Variants in SV2C observed in about 807,000 individuals in gnomAD.
SV2C encodes the protein solute carrier family 22 member B3.
Under a neutral mutation model 79.7 loss-of-function variants are expected in SV2C, and 49 were observed. The ratio of observed to expected loss-of-function variants is 0.61; its 90% CI spans 0.49 to 0.78. SV2C has a LOEUF of 0.78. SV2C is among the 30% of genes least tolerant of loss of function. SV2C has a pLI of 0.00. For missense variants in SV2C, 833 were observed against 912.9 expected, an observed-to-expected ratio of 0.91 and a Z score of 1.13; for synonymous variants, 334 against 333.2, an observed-to-expected ratio of 1.00 and a Z score of -0.03.
the SV2C span, among the ~76,000 whole-genome samples, chr5:75,901,646 G>A: frequency 1.3e-5 from 2 of 152,244 alleles, no homozygotes; most frequent in African/African-American, 4.8e-5. Flanking sequence ...TACGTCTGCA[G>A]AGGTTACTGC....
At chr5:75,888,344 A>ATT in the SV2C span, among the ~76,000 whole-genome samples, 1 of 150,154 alleles carries the variant, frequency 6.7e-6, no homozygotes, top group Admixed American at 6.7e-5. Flanking sequence ...AAAAAAAAAA[A>ATT]TTTTTTTTTT....
the SV2C span, among the ~76,000 whole-genome samples, chr5:76,000,470 T>C: frequency 6.6e-6 from 1 of 152,302 alleles, no homozygotes; most frequent in African/African-American, 2.4e-5. Context: ...CTGCCTCACA[T>C]CTGCTGAAAC....
chr5:76,088,050 C>A (rs962627760), intron 1 of SV2C, among the ~76,000 whole-genome samples: 1 of 152,178 alleles, frequency 6.6e-6, no homozygotes, highest in Admixed American at 6.5e-5. Flanking sequence ...CTCACTTCTG[C>A]AGCCTCATTT....
the SV2C span, among the ~76,000 whole-genome samples, chr5:76,060,901 A>G: frequency 6.6e-6 from 1 of 152,024 alleles, no homozygotes; most frequent in Non-Finnish European, 1.5e-5. Context: ...TTTCACTTGA[A>G]CATTTAGAGG....
the SV2C span, among the ~76,000 whole-genome samples, chr5:76,021,506 C>T: frequency 1.3e-5 from 2 of 152,190 alleles, no homozygotes; most frequent in African/African-American, 4.8e-5. Flanking sequence ...CCAGCTTTGT[C>T]TTGTTTCACA....
At chr5:76,044,406 A>G in the SV2C span, among the ~76,000 whole-genome samples, 2 of 152,188 alleles carry the variant, frequency 1.3e-5, no homozygotes, top group African/African-American at 2.4e-5. Context: ...AATGATTTAT[A>G]TTCCTTTGGG....
chr5:76,114,509 T>A (rs924609239), intron 1 of SV2C, among the ~76,000 whole-genome samples: 4 of 152,226 alleles, frequency 2.6e-5, no homozygotes, highest in Admixed American at 6.5e-5. Context: ...GGAAAATGTG[T>A]TTTGCTGTTA....
the SV2C span, among the ~76,000 whole-genome samples, chr5:75,917,356 A>G: frequency 6.6e-6 from 1 of 152,206 alleles, no homozygotes; most frequent in Non-Finnish European, 1.5e-5. Flanking sequence ...TCTGACATGT[A>G]CAAGTTAGGT....
At chr5:75,874,178 C>T in the SV2C span, among the ~76,000 whole-genome samples, 1 of 152,258 alleles carries the variant, frequency 6.6e-6, no homozygotes, top group South Asian at 2.1e-4. Context: ...AAACTGAATT[C>T]AGCAGCCCAT....
At chr5:75,882,799 A>AAAAAAC in the SV2C span, among the ~76,000 whole-genome samples, 2 of 151,902 alleles carry the variant, frequency 1.3e-5, no homozygotes, top group African/African-American at 2.4e-5. Flanking sequence ...TAAAAAAAAA[A>AAAAAAC]ACTCCAAAAG....
the SV2C span, among the ~76,000 whole-genome samples, chr5:76,071,309 C>T: frequency 1.2e-4 from 18 of 152,018 alleles, no homozygotes; most frequent in African/African-American, 1.5e-4. Context: ...GAAGACGCAC[C>T]GAGCAGGAGT....
At chr5:76,288,210 C>T (rs1435801132) in intron 6 of SV2C, among the ~76,000 whole-genome samples, 1 of 152,056 alleles carries the variant, frequency 6.6e-6, no homozygotes, top group Non-Finnish European at 1.5e-5. Flanking sequence ...ACATCAATTA[C>T]AGTTCTTAAA....
At chr5:75,964,969 C>T in the SV2C span, among the ~76,000 whole-genome samples, 80 of 152,022 alleles carry the variant, frequency 5.3e-4, no homozygotes, top group African/African-American at 1.6e-3. Context: ...CAATACAAAC[C>T]GCAACTACAA....
At chr5:76,103,983 T>TA (rs1747823224) in intron 1 of SV2C, among the ~76,000 whole-genome samples, 1 of 152,162 alleles carries the variant, frequency 6.6e-6, no homozygotes, top group Non-Finnish European at 1.5e-5. Flanking sequence ...TACTAGCAAA[T>TA]TGAATCCAGA....
the SV2C span, among the ~76,000 whole-genome samples, chr5:75,964,533 C>T: frequency 2.0e-5 from 3 of 152,118 alleles, no homozygotes; most frequent in Non-Finnish European, 4.4e-5. Context: ...TCCACTCCCT[C>T]CCTGGTTTTA....
intron 4 of SV2C, among the ~76,000 whole-genome samples, chr5:76,263,780 T>C (rs1746556931): frequency 6.6e-6 from 1 of 152,184 alleles, no homozygotes; most frequent in African/African-American, 2.4e-5. Context: ...GAATGTTGAA[T>C]ATTGGCTCCC....
intron 1 of SV2C, among the ~76,000 whole-genome samples, chr5:76,109,492 G>T (rs1748032882): frequency 6.6e-6 from 1 of 152,178 alleles, no homozygotes; most frequent in Non-Finnish European, 1.5e-5. Context: ...GGTGTTACGG[G>T]TTAAAATGTG....
chr5:76,260,649 TTTTC>T (rs2112456355), intron 4 of SV2C, among the ~76,000 whole-genome samples: 1 of 152,304 alleles, frequency 6.6e-6, no homozygotes, highest in Non-Finnish European at 1.5e-5. Flanking sequence ...CCAGTTTCTG[TTTTC>T]TTTATATGGC....
intron 12 of SV2C, among the ~76,000 whole-genome samples, chr5:76,303,396 C>A (rs1481777805): frequency 2.6e-5 from 4 of 152,208 alleles, no homozygotes; most frequent in Admixed American, 6.5e-5. Flanking sequence ...TTAAAATGAA[C>A]CCCTCAATTG....
Sources: allele counts gnomAD v4.1 joint callset (sites outside exome capture counted in the v4.1 genomes callset), GRCh38; gene constraint gnomAD v4.1.1; transcripts MANE v1.5; gene names NCBI Gene and HGNC (gene_info 2026-07-23, HGNC 2026-07-21).